Variants in ARHGAP44 observed in about 807,000 individuals in gnomAD.
ARHGAP44 encodes rho GTPase-activating protein 44.
In ARHGAP44, 43 loss-of-function variants were observed where a neutral mutation model predicts 106.8. That is an observed-to-expected ratio of 0.40 (90% CI 0.32 to 0.52). The LOEUF (loss-of-function observed/expected upper bound fraction) is 0.52. Ranked by LOEUF, ARHGAP44 falls within the 20% of genes least tolerant of loss-of-function variation. The pLI is 0.48. For missense variants in ARHGAP44, 866 were observed against 1,050.5 expected (o/e 0.82, Z 2.43); for synonymous variants, 439 against 410.3 (o/e 1.07, Z -0.85).
chr17:12,892,287 A>C (rs191485027), intron 1 of ARHGAP44, among the ~76,000 whole-genome samples: 51 of 151,858 alleles, frequency 3.4e-4, no homozygotes, highest in African/African-American at 1.2e-3. Flanking sequence ...TTTAGTCTCC[A>C]TTTTTCTTGA....
At chr17:12,939,729 G>A (rs985897156) in intron 7 of ARHGAP44, among the ~76,000 whole-genome samples, 2 of 152,178 alleles carry the variant, frequency 1.3e-5, no homozygotes, top group East Asian at 1.9e-4. Context: ...GCCTCCCAAA[G>A]TGCTGGGATT....
intron 4 of ARHGAP44, among the ~76,000 whole-genome samples, chr17:12,913,896 G>C (rs2037818050): frequency 6.6e-6 from 1 of 150,980 alleles, no homozygotes; most frequent in Admixed American, 6.6e-5. Context: ...TTGCACCCGG[G>C]AGGTGGAGTT....
At chr17:12,818,867 C>T (rs545613763) in intron 1 of ARHGAP44, among the ~76,000 whole-genome samples, 6 of 152,122 alleles carry the variant, frequency 3.9e-5, no homozygotes, top group African/African-American at 1.4e-4. Context: ...CTATAGGTTT[C>T]GTGCAATTCC....
chr17:12,824,967 TG>T (rs1382731500), intron 1 of ARHGAP44, among the ~76,000 whole-genome samples: 1 of 152,060 alleles, frequency 6.6e-6, no homozygotes, highest in Admixed American at 6.6e-5. Context: ...TATGTTCTTG[TG>T]GAACTGGATT....
At chr17:12,819,417 T>C (rs2034697429) in intron 1 of ARHGAP44, among the ~76,000 whole-genome samples, 1 of 152,022 alleles carries the variant, frequency 6.6e-6, no homozygotes, top group African/African-American at 2.4e-5. Flanking sequence ...ACAAATCTCT[T>C]TGTGAATTGT....
At chr17:12,877,668 TG>T (rs1376516013) in intron 1 of ARHGAP44, among the ~76,000 whole-genome samples, 1 of 151,768 alleles carries the variant, frequency 6.6e-6, no homozygotes, top group Non-Finnish European at 1.5e-5. Context: ...GAGAATGGCA[TG>T]AACCCGGGAG....
chr17:12,790,098 CT>C lies in ARHGAP44; in HGVS notation c.53+208del. 6.0e-6 allele frequency: 3 copies of C among 502,128 alleles called. No homozygotes were observed. The East Asian group carries it at 1.1e-4, about 18-fold the overall frequency. The allele number at this position is 502,128 out of a possible 1,614,324, so 31.1% of individuals were successfully genotyped here. A position where few individuals can be genotyped will look rare whatever the true frequency, so the allele number is the denominator to read the frequency against. ...AGCTCTTCTCACTCGCCGCCTTCTG[CT>C]CCGGGCTCCGGTTGCCAAGCGCAAA... is the stretch of plus-strand genomic sequence containing the variant. On this transcript the variant is annotated intron_variant, in intron 1 of 20. Transcript: ENST00000379672.
chr17:12,865,936 A>G (rs1249393496), intron 1 of ARHGAP44, among the ~76,000 whole-genome samples: 1 of 152,196 alleles, frequency 6.6e-6, no homozygotes, highest in Non-Finnish European at 1.5e-5. Flanking sequence ...TTACTTAATT[A>G]CAAAGTAATG....
Position 12,974,190 on chromosome 17 carries a change from C to A in ARHGAP44, c.1643C>A (p.Pro548Gln). The change falls in exon 18 of 21, where the codon CCG (proline) becomes CAG (glutamine). Residue 548 changes from proline to glutamine, a missense_variant. Pro to Gln is a moderately conservative substitution (Grantham distance 76). Around this residue, in one of 2 missense-constraint regions of ARHGAP44, gnomAD observed 418 missense variants for 403.6 expected, o/e 1.04. Transcript: ENST00000379672. ...CAPPSMQPPA[P>Q]PAELAAPLPS... ...CCGCCCTCCATGCAGCCTCCCGCCC[C>A]GCCCGCCGAGCTGGCTGCGCCCCTG... The A allele has an allele frequency of 1.3e-6, 2 of 1,549,206 alleles. No homozygotes were observed. The highest frequency in any genetic ancestry group is 1.7e-6 in the Non-Finnish European group (2 of 1,147,032).
intron 1 of ARHGAP44, among the ~76,000 whole-genome samples, chr17:12,827,562 A>G (rs1266750010): frequency 7.2e-5 from 11 of 152,318 alleles, no homozygotes; most frequent in African/African-American, 2.4e-4. Flanking sequence ...ATTCAATATA[A>G]CAATAACCTT....
At chr17:12,930,723 C>G (rs976435396) in intron 7 of ARHGAP44, among the ~76,000 whole-genome samples, 10 of 152,170 alleles carry the variant, frequency 6.6e-5, no homozygotes, top group African/African-American at 2.2e-4. Flanking sequence ...CTTATATTCG[C>G]TATTGTGCCA....
chr17:12,903,123 AGAGGAGAGAGAGAGAGAGT>A (rs2037434392), intron 3 of ARHGAP44, among the ~76,000 whole-genome samples: 2 of 84,670 alleles, frequency 2.4e-5, no homozygotes, highest in African/African-American at 9.4e-5. Flanking sequence ...AGAGAGAGAG[AGAGGAGAGAGAGAGAGAGT>A]GTGTGTGTGT....
At chr17:12,844,142 G>A (rs944764535) in intron 1 of ARHGAP44, among the ~76,000 whole-genome samples, 5 of 148,904 alleles carry the variant, frequency 3.4e-5, no homozygotes, top group Admixed American at 1.3e-4. Flanking sequence ...TAGATTGGGG[G>A]CCGCTATGCC....
At chr17:12,826,711 C>T (rs1476381682) in intron 1 of ARHGAP44, among the ~76,000 whole-genome samples, 1 of 152,166 alleles carries the variant, frequency 6.6e-6, no homozygotes, top group African/African-American at 2.4e-5. Context: ...TTAACTTTTC[C>T]CACCCTCACC....
intron 20 of ARHGAP44, chr17:12,987,858 TCTC>T (rs929212674): frequency 2.1e-4 from 32 of 152,114 alleles, no homozygotes; most frequent in African/African-American, 7.5e-4. Context: ...ATCTATTTGG[TCTC>T]CTCCTCCTAT....
chr17:12,852,715 G>A (rs576840878), intron 1 of ARHGAP44, among the ~76,000 whole-genome samples: 162 of 151,802 alleles, frequency 1.1e-3, no homozygotes, highest in Non-Finnish European at 1.8e-3. Context: ...CTAATTTTTC[G>A]TATTTTTAGT....
Position 12,984,810 on chromosome 17 carries a change from C to G in ARHGAP44, c.2219C>G (p.Pro740Arg). Residue 740 changes from proline to arginine, a missense_variant, in exon 20 of 21, where the codon CCT becomes CGT. Transcript: ENST00000379672. ...PKPRQRPTLPPPQPPTVNLSA... is the reference protein window; with the variant it reads ...PKPRQRPTLPRPQPPTVNLSA... ...CCGCGACAGAGACCTACTCTGCCGCCTCCTCAGCCTCCCACAGTAAACCTC... is the reference window on the plus strand; with the variant it reads ...CCGCGACAGAGACCTACTCTGCCGCGTCCTCAGCCTCCCACAGTAAACCTC... 1 of 1,614,008 alleles carries G rather than the reference C, an allele frequency of 6.2e-7. No homozygotes were observed. Among genetic ancestry groups the G allele is most frequent in the Non-Finnish European group, 8.5e-7 (1 of 1,179,912 alleles).
At chr17:12,831,322 C>T (rs1345221582) in intron 1 of ARHGAP44, among the ~76,000 whole-genome samples, 1 of 152,140 alleles carries the variant, frequency 6.6e-6, no homozygotes, top group Non-Finnish European at 1.5e-5. Flanking sequence ...GTTATTTTAC[C>T]AAAATCTCCT....
At chr17:12,806,821 G>T (rs1169560472) in intron 1 of ARHGAP44, among the ~76,000 whole-genome samples, 1 of 149,926 alleles carries the variant, frequency 6.7e-6, no homozygotes, top group East Asian at 2.0e-4. Context: ...CTTTATTTGA[G>T]CATTTAGGGA....
Sources: allele counts gnomAD v4.1 joint callset (sites outside exome capture counted in the v4.1 genomes callset), GRCh38; gene constraint gnomAD v4.1.1; regional missense constraint gnomAD v4.1.1; transcripts MANE v1.5; gene names NCBI Gene and HGNC (gene_info 2026-07-23, HGNC 2026-07-21).